SLIT3: variants seen among roughly 807,000 people sequenced by gnomAD.
The protein encoded by SLIT3 is slit homolog 3 protein.
Under a neutral mutation model 184.0 loss-of-function variants are expected in SLIT3, and 68 were observed. The observed-to-expected ratio is 0.37, with a 90% CI of 0.30 to 0.45. SLIT3 has a LOEUF of 0.45. SLIT3 is among the 20% of genes least tolerant of loss of function. SLIT3 has a pLI of 1.00. For missense variants in SLIT3, 1,707 were observed against 2,026.0 expected, an observed-to-expected ratio of 0.84 and a Z score of 3.02; for synonymous variants, 831 against 828.6, an observed-to-expected ratio of 1.00 and a Z score of -0.05.
intron 4 of SLIT3, among the ~76,000 whole-genome samples, chr5:169,170,594 A>T (rs112285564): frequency 5.6e-4 from 85 of 152,318 alleles, no homozygotes; most frequent in Non-Finnish European, 9.9e-4. Context: ...CGCCCCTCTA[A>T]ACGGGCTCTG....
intron 4 of SLIT3, among the ~76,000 whole-genome samples, chr5:168,957,222 T>C (rs1412013767): frequency 2.4e-5 from 3 of 126,248 alleles, no homozygotes; most frequent in African/African-American, 3.6e-5. Context: ...AGAGCAAAAG[T>C]CTGTCTCAAA....
chr5:168,911,308 G>A (rs991158750), intron 4 of SLIT3, among the ~76,000 whole-genome samples: 9 of 152,104 alleles, frequency 5.9e-5, no homozygotes, highest in Non-Finnish European at 8.8e-5. Context: ...TCCTATTAGC[G>A]TTCACCCCAC....
intron 4 of SLIT3, among the ~76,000 whole-genome samples, chr5:169,086,349 C>A (rs1294363900): frequency 6.6e-6 from 1 of 152,148 alleles, no homozygotes. Context: ...CTCTTTAAAG[C>A]TTTTGACAAG....
chr5:168,687,229 G>A, intron 29 of SLIT3, 113 bp from the exon 30 acceptor site: 1 of 1,220,154 alleles, frequency 8.2e-7, no homozygotes, highest in Non-Finnish European at 1.2e-6. Flanking sequence ...ATCTACCCAA[G>A]TTCCTTTGGG....
intron 12 of SLIT3, among the ~76,000 whole-genome samples, chr5:168,775,560 C>T (rs984757607): frequency 2.6e-5 from 4 of 152,144 alleles, no homozygotes; most frequent in Non-Finnish European, 4.4e-5. Flanking sequence ...GCACTCATCG[C>T]AATTTGTGAT....
At chr5:169,084,708 C>G (rs940961658) in intron 4 of SLIT3, among the ~76,000 whole-genome samples, 6 of 152,220 alleles carry the variant, frequency 3.9e-5, no homozygotes, top group African/African-American at 1.4e-4. Context: ...GTCCATACCC[C>G]TGGGTGACAA....
At chr5:169,257,428 C>G (rs1467154612) in intron 1 of SLIT3, among the ~76,000 whole-genome samples, 1 of 145,736 alleles carries the variant, frequency 6.9e-6, no homozygotes, top group South Asian at 2.3e-4. Flanking sequence ...AAACTCAGAC[C>G]TATTCAAGAA....
chr5:169,091,331 G>T (rs930935829), intron 4 of SLIT3, among the ~76,000 whole-genome samples: 1 of 152,196 alleles, frequency 6.6e-6, no homozygotes, highest in Non-Finnish European at 1.5e-5. Context: ...GGCAGAAAAT[G>T]CAGTGTTTCC....
At chr5:168,692,386 C>G (rs61352666) in intron 29 of SLIT3, among the ~76,000 whole-genome samples, 7,096 of 152,142 alleles carry the variant, frequency 0.047, 538 homozygotes, top group African/African-American at 0.16. Context: ...CTCTCCCTAC[C>G]TACCTGTCTA....
intron 4 of SLIT3, among the ~76,000 whole-genome samples, chr5:169,167,467 G>C (rs950514368): frequency 2.0e-5 from 3 of 151,348 alleles, no homozygotes; most frequent in Non-Finnish European, 4.4e-5. Flanking sequence ...TAGTAGAGAC[G>C]GGGTTTCACC....
In SLIT3 at chr5:168,999,620, C is replaced by T. The variant is rs17636045; in HGVS notation, c.414-116284G>A. 9.5e-3 allele frequency among the ~76,000 whole-genome samples: 1,452 copies of T among 152,318 alleles called. 7 individuals are homozygous for T. The highest frequency in any genetic ancestry group is 0.013 in the Non-Finnish European group (913 of 68,038). ...CCCCACTCACATTGGCTTCCTAGTG[C>T]TGCCTCCCACAAACTTTGGACAGTG... On this transcript the variant is annotated intron_variant, in intron 4 of 35. Coordinates refer to ENST00000519560, the MANE Select transcript of SLIT3 (RefSeq NM_003062.4).
chr5:168,948,090 C>A (rs1762541773), intron 4 of SLIT3, among the ~76,000 whole-genome samples: 1 of 151,690 alleles, frequency 6.6e-6, no homozygotes, highest in African/African-American at 2.4e-5. Flanking sequence ...CCATGCCTGG[C>A]CAAGTTGTTT....
chr5:168,831,147 C>T (rs549485709), intron 6 of SLIT3, among the ~76,000 whole-genome samples: 9 of 152,306 alleles, frequency 5.9e-5, no homozygotes, highest in Non-Finnish European at 8.8e-5. Context: ...CCTAGTGGCC[C>T]TTACTGTTGG....
intron 4 of SLIT3, among the ~76,000 whole-genome samples, chr5:168,896,792 C>T (rs146832099): frequency 2.5e-4 from 38 of 152,290 alleles, no homozygotes; most frequent in African/African-American, 8.7e-4. Context: ...TGAAGGGCGT[C>T]GGTGGGACAG....
At chr5:168,685,280 C>A (rs560141030) in intron 31 of SLIT3, among the ~76,000 whole-genome samples, 75 of 152,288 alleles carry the variant, frequency 4.9e-4, no homozygotes, top group Non-Finnish European at 5.6e-4. Flanking sequence ...CGAGGTGATT[C>A]TAAAGTATTG....
intron 1 of SLIT3, among the ~76,000 whole-genome samples, chr5:169,252,468 C>A (rs1009260372): frequency 6.6e-6 from 1 of 152,096 alleles, no homozygotes; most frequent in Non-Finnish European, 1.5e-5. Context: ...ACTGAAGTCA[C>A]GAACAAGCCT....
intron 10 of SLIT3, among the ~76,000 whole-genome samples, chr5:168,795,082 T>C (rs371042782): frequency 5.9e-5 from 9 of 152,356 alleles, no homozygotes; most frequent in African/African-American, 2.2e-4. Flanking sequence ...ACTTGGTATT[T>C]GTTATATGAA....
intron 4 of SLIT3, among the ~76,000 whole-genome samples, chr5:169,184,541 T>C (rs1011705201): frequency 3.9e-5 from 6 of 152,196 alleles, no homozygotes; most frequent in African/African-American, 1.2e-4. Flanking sequence ...ACAGGGGCTA[T>C]ATGAGATCGA....
intron 28 of SLIT3, 130 bp from the exon 29 acceptor site, chr5:168,692,830 G>A: frequency 1.6e-6 from 1 of 639,252 alleles, no homozygotes; most frequent in South Asian, 1.9e-5. Context: ...AGGTGGGCAT[G>A]GACGTCAGGA....
Sources: gnomAD v4.1 joint callset for allele counts (sites outside exome capture counted in the v4.1 genomes callset) on GRCh38, gnomAD v4.1.1 for gene constraint, MANE v1.5 for transcripts, NCBI Gene and HGNC (gene_info 2026-07-23, HGNC 2026-07-21) for gene names.